Variants in GRIP1 observed in about 807,000 individuals in gnomAD.
GRIP1 encodes glutamate receptor-interacting protein 1.
GRIP1 carries 45 observed loss-of-function variants against 129.9 expected under a neutral mutation model. The observed-to-expected ratio is 0.35, with a 90% CI of 0.27 to 0.44. The LOEUF is 0.44. GRIP1 is among the 20% of genes least tolerant of loss of function. The probability of loss-of-function intolerance (pLI) is 1.00; values close to 1 mark genes in which losing one functional copy is unlikely to be tolerated. For missense variants in GRIP1, 1,196 were observed against 1,396.8 expected (o/e 0.86, Z 2.29); for synonymous variants, 530 against 520.8 (o/e 1.02, Z -0.24).
intron 2 of GRIP1, 94 bp from the exon 3 acceptor site, chr12:66,542,044 T>G: frequency 8.7e-7 from 1 of 1,143,018 alleles, no homozygotes; most frequent in Non-Finnish European, 1.3e-6. Flanking sequence ...TTTTCTTTTA[T>G]GAGAAAAGAT....
chr12:66,410,642 AAAACAAAC>A (rs377000515), intron 15 of GRIP1, among the ~76,000 whole-genome samples: 43 of 116,016 alleles, frequency 3.7e-4, no homozygotes, highest in African/African-American at 9.7e-4. Flanking sequence ...ACTCTGTCTC[AAAACAAAC>A]AAACAAACAA....
At chr12:66,453,286 T>C (rs1448850763) in intron 11 of GRIP1, among the ~76,000 whole-genome samples, 1 of 152,180 alleles carries the variant, frequency 6.6e-6, no homozygotes, top group Non-Finnish European at 1.5e-5. Flanking sequence ...CACAAACAAA[T>C]ACTAGCCTTT....
In GRIP1 at chr12:66,515,844, GTT is replaced by G. The variant is rs1315380998; in HGVS notation, c.579-82_579-81del. ...ATTAATAGTCACTTTAGCCAAATTC[GTT>G]TTGTCACACATATTCTGCCATCCAT... On this transcript the variant is annotated intron_variant, in intron 6 of 24. Coordinates refer to ENST00000359742, the MANE Select transcript of GRIP1 (RefSeq NM_001366722.1). 6.0e-6 allele frequency: 7 copies of G among 1,157,254 alleles called. No individual in the cohort carries two copies. In the South Asian group the frequency reaches 7.4e-5, roughly 12 times the overall value. The allele number at this position is 1,157,254 out of a possible 1,614,324, so 71.7% of individuals were successfully genotyped here.
intron 1 of GRIP1, among the ~76,000 whole-genome samples, chr12:66,826,008 C>T (rs1302676570): frequency 2.0e-5 from 3 of 152,126 alleles, no homozygotes; most frequent in Admixed American, 2.0e-4. Context: ...CAGAGGCACA[C>T]ATATGTTTAT....
intron 1 of GRIP1, among the ~76,000 whole-genome samples, chr12:66,758,506 A>G (rs1218006487): frequency 1.3e-5 from 2 of 152,090 alleles, no homozygotes; most frequent in Non-Finnish European, 2.9e-5. Context: ...TCATGTCCTC[A>G]CATTTCAAAA....
At position 66,809,762 on chromosome 12, in the gene GRIP1, C is replaced by T. The variant is rs192042357; in HGVS notation, c.59-212835G>A. 3.7e-3 allele frequency among the ~76,000 whole-genome samples: 561 copies of T among 151,644 alleles called. 4 individuals are homozygous for T. Among genetic ancestry groups the T allele is most frequent in the African/African-American group, 0.013 (535 of 41,270 alleles). ...ACAGCCTCCACCTCTCAGGGTCAAG[C>T]GATCCTCCCACCTCAGCCTCCTGAG... On this transcript the variant is annotated intron_variant, in intron 1 of 1. Transcript: ENST00000643019.
chr12:66,606,685 A>G (rs530590855), intron 1 of GRIP1, among the ~76,000 whole-genome samples: 4 of 152,298 alleles, frequency 2.6e-5, no homozygotes, highest in South Asian at 2.1e-4. Flanking sequence ...ATTTGTCCTC[A>G]TCTAAATAGG....
chr12:66,424,788 A>G (rs1050902648), intron 14 of GRIP1, among the ~76,000 whole-genome samples: 7 of 152,258 alleles, frequency 4.6e-5, no homozygotes, highest in African/African-American at 1.7e-4. Context: ...TCAACTCCTC[A>G]TATTTCCCAG....
At chr12:66,778,463 T>C (rs1433462385) in intron 1 of GRIP1, among the ~76,000 whole-genome samples, 3 of 152,190 alleles carry the variant, frequency 2.0e-5, no homozygotes, top group Admixed American at 2.0e-4. Context: ...GCATATAAGA[T>C]ACTTGCTACA....
At chr12:66,480,356 G>A (rs1320293880) in intron 7 of GRIP1, among the ~76,000 whole-genome samples, 2 of 152,100 alleles carry the variant, frequency 1.3e-5, no homozygotes, top group Non-Finnish European at 2.9e-5. Flanking sequence ...ACTTACAAGG[G>A]ATGAGAAGGA....
chr12:67,060,257 T>C (rs1391121316), intron 1 of GRIP1, among the ~76,000 whole-genome samples: 1 of 152,180 alleles, frequency 6.6e-6, no homozygotes, highest in Admixed American at 6.5e-5. Flanking sequence ...CAAACCAAGA[T>C]TCCCTAAGAG....
At chr12:66,900,267 T>C (rs982767433) in intron 1 of GRIP1, among the ~76,000 whole-genome samples, 1 of 152,164 alleles carries the variant, frequency 6.6e-6, no homozygotes, top group Non-Finnish European at 1.5e-5. Flanking sequence ...AGTAGAGATG[T>C]AAGCATTTGT....
chr12:66,881,666 C>T (rs540526188), intron 1 of GRIP1, among the ~76,000 whole-genome samples: 13 of 152,188 alleles, frequency 8.5e-5, no homozygotes, highest in Admixed American at 2.6e-4. Flanking sequence ...AAGGGTCAAG[C>T]TCAAGGCTGT....
intron 1 of GRIP1, among the ~76,000 whole-genome samples, chr12:67,061,011 G>C (rs1447243684): frequency 6.6e-6 from 1 of 152,146 alleles, no homozygotes; most frequent in Non-Finnish European, 1.5e-5. Flanking sequence ...CAGTATTTGA[G>C]CTGGACTTTT....
intron 1 of GRIP1, among the ~76,000 whole-genome samples, chr12:66,771,865 G>C (rs2136727055): frequency 6.6e-6 from 1 of 152,308 alleles, no homozygotes; most frequent in South Asian, 2.1e-4. Context: ...CATCTGTGGA[G>C]GCTCACTGCA....
At chr12:66,453,846 C>T (rs1024251255) in intron 11 of GRIP1, among the ~76,000 whole-genome samples, 1 of 152,156 alleles carries the variant, frequency 6.6e-6, no homozygotes, top group African/African-American at 2.4e-5. Flanking sequence ...ACCCAGGTAG[C>T]CTGGTTCCAG....
At chr12:66,935,792 T>G (rs1172682817) in intron 1 of GRIP1, among the ~76,000 whole-genome samples, 1 of 152,186 alleles carries the variant, frequency 6.6e-6, no homozygotes, top group Admixed American at 6.5e-5. Context: ...GCCTTTGCCT[T>G]ATTTGAACAC....
chr12:66,776,625 A>T (rs1216240217), intron 1 of GRIP1, among the ~76,000 whole-genome samples: 1 of 152,224 alleles, frequency 6.6e-6, no homozygotes, highest in Non-Finnish European at 1.5e-5. Flanking sequence ...AATACAGAGC[A>T]ATATTTGCTA....
chr12:66,750,536 T>G (rs1325895545), intron 1 of GRIP1, among the ~76,000 whole-genome samples: 1 of 152,162 alleles, frequency 6.6e-6, no homozygotes, highest in East Asian at 1.9e-4. Flanking sequence ...ACAGGTCCTG[T>G]AGGAAACTGG....
Sources: gnomAD v4.1 joint callset for allele counts (sites outside exome capture counted in the v4.1 genomes callset) on GRCh38, gnomAD v4.1.1 for gene constraint, MANE v1.5 for transcripts, NCBI Gene and HGNC (gene_info 2026-07-23, HGNC 2026-07-21) for gene names.